SAMD14: variants seen among roughly 807,000 people sequenced by gnomAD.
SAMD14 encodes sterile alpha motif domain containing 14, also known as sterile alpha motif domain-containing protein 14.
Under a neutral mutation model 46.2 loss-of-function variants are expected in SAMD14, and 27 were observed. That is an observed-to-expected ratio of 0.58 (90% CI 0.43 to 0.81). The LOEUF is 0.81. Among genes scored for constraint, SAMD14 ranks in the 30% least tolerant of loss-of-function variants. The pLI is 0.00. For synonymous variants in SAMD14, 241 were observed against 254.3 expected, an observed-to-expected ratio of 0.95 and a Z score of 0.50; for missense variants, 559 against 582.2, an observed-to-expected ratio of 0.96 and a Z score of 0.41.
At chr17:50,124,767 G>A (rs9892417) in intron 2 of SAMD14, 150 bp downstream of exon 2, 8,241 of 490,528 alleles carry the variant, frequency 0.017, 101 homozygotes, top group African/African-American at 0.13. Context: ...GTGCACGCGC[G>A]CGCGCACACA....
intron 9 of SAMD14, chr17:50,113,707 G>C: frequency 1.7e-6 from 1 of 586,204 alleles, no homozygotes; most frequent in South Asian, 2.0e-5. Flanking sequence ...TCATGGACTA[G>C]AGTTTCAAGT....
At chr17:50,114,569 A>T in intron 7 of SAMD14, 2 of 803,928 alleles carry the variant, frequency 2.5e-6, no homozygotes, top group Non-Finnish European at 3.8e-6. Flanking sequence ...GTCTCAGGCA[A>T]GGTGTCACTT....
At position 50,112,815 on chromosome 17, in the gene SAMD14, T is replaced by G; in HGVS notation, c.*78A>C. 6.6e-7 allele frequency: 1 copy of G among 1,506,814 alleles called. No individual in the cohort carries two copies. The highest frequency in any genetic ancestry group is 1.2e-5 in the South Asian group (1 of 80,176). 93.3% of individuals were successfully genotyped at this position (1,506,814 alleles called of 1,614,324 possible). On this transcript the variant is annotated 3_prime_UTR_variant, in exon 10 of 10. Transcript: ENST00000330175. The stretch of plus-strand genomic sequence containing the variant: ...GGCTAGCCCAAGTGCAGCGCCCAGG[T>G]CCAGCCTCCCTGGTGAGGCCTGTGC...
chr17:50,117,461 C>T lies in SAMD14; in HGVS notation c.445G>A (p.Asp149Asn), dbSNP rs1307868504. 12 of 1,387,690 alleles carry T rather than the reference C, an allele frequency of 8.6e-6. No homozygotes were observed. The highest frequency in any genetic ancestry group is 2.6e-4 in the Middle Eastern group (1 of 3,844). The allele number at this position is 1,387,690 out of a possible 1,614,324, so 86.0% of individuals were successfully genotyped here. The change falls in exon 4 of 10, where the codon GAC (aspartate) becomes AAC (asparagine). Residue 149 changes from aspartate to asparagine, a missense_variant. Physicochemically the swap from Asp to Asn is conservative, Grantham distance 23 (BLOSUM62 1). Transcript: ENST00000330175. ...CGGCGCACGAAGCTGGGGGAGCTGT[C>T]GGAGGAGGGCGCGGAGCGCGGCGGA... is the stretch of plus-strand genomic sequence containing the variant. ...CSPPRSAPSS[D>N]SSPSFVRRHP...
chr17:50,110,576 G>A lies in SAMD14; in HGVS notation c.*2317C>T, dbSNP rs1910776451. 6.5e-6 allele frequency: 1 copy of A among 152,698 alleles called. No homozygotes were observed. The highest frequency in any genetic ancestry group is 2.4e-5 in the African/African-American group (1 of 41,454). 9.5% of individuals were successfully genotyped at this position (152,698 alleles called of 1,614,324 possible). ...CCTCCAGACCTGGGGACTGAGTGGGGAAAGGAGTTACACCCGTGAGTGGGG... is the reference window on the plus strand; with the variant it reads ...CCTCCAGACCTGGGGACTGAGTGGGAAAAGGAGTTACACCCGTGAGTGGGG... On this transcript the variant is annotated 3_prime_UTR_variant, in exon 10 of 10. Coordinates refer to ENST00000330175, the MANE Select transcript of SAMD14 (RefSeq NM_001257359.2).
At position 50,115,642 on chromosome 17, in the gene SAMD14, T is replaced by C. The variant is rs747794144; in HGVS notation, c.744A>G (p.Ser248=). ...FSWFTDSGKG[S]ASSGSTTSPT... The stretch of plus-strand genomic sequence containing the variant: ...GGGAGGTGGTGCTACCCGAGGATGC[T>C]GAGCCCTTGCCGCTGTCCGTGAACC... The change falls in exon 7 of 10, where the codon TCA becomes TCG. Residue 248 remains serine (S), a synonymous_variant. Transcript: ENST00000330175. This position sits in a 1 kb window ranked among gnomAD's most constrained non-coding sequence, Gnocchi z 5.3. The C allele has an allele frequency of 4.4e-6, 7 of 1,608,040 alleles. No individual in the cohort carries two copies. The highest frequency in any genetic ancestry group is 6.0e-6 in the Non-Finnish European group (7 of 1,176,242).
In SAMD14 at chr17:50,110,212, G is replaced by A; in HGVS notation, c.*2681C>T. ...GGGGGTGGGTTCTCCCTGATGACCA[G>A]GTTCTGTCTCTATGGAAGTCACTGC... On this transcript the variant is annotated 3_prime_UTR_variant, in exon 10 of 10. Transcript: ENST00000330175. The A allele has an allele frequency of 1.7e-6, 2 of 1,187,718 alleles. No individual in the cohort carries two copies. The highest frequency in any genetic ancestry group is 2.3e-6 in the Non-Finnish European group (2 of 866,912). 73.6% of individuals were successfully genotyped at this position (1,187,718 alleles called of 1,614,324 possible).
At chr17:50,128,578 C>A (rs985771355) in intron 1 of SAMD14, among the ~76,000 whole-genome samples, 2 of 152,224 alleles carry the variant, frequency 1.3e-5, no homozygotes, top group South Asian at 2.1e-4. Context: ...ACCCTTCCCC[C>A]CAAGGCTTCC....
rs1312419771 is a variant in SAMD14, at chr17:50,129,709, A to G, written c.-205T>C. On this transcript the variant is annotated 5_prime_UTR_variant, in exon 1 of 10. Transcript: ENST00000330175. The surrounding 1 kb of genome is among the most constrained non-coding windows in gnomAD (Gnocchi z 5.6). ...GGGAAGGGTCCCAGAGCCGGGGGAGATGGAGGGCGGGGGATGTGGGGAGAG... is the reference window on the plus strand; with the variant it reads ...GGGAAGGGTCCCAGAGCCGGGGGAGGTGGAGGGCGGGGGATGTGGGGAGAG... 1 of 146,158 alleles carries G rather than the reference A, an allele frequency of 6.8e-6. No homozygotes were observed. 9.1% of individuals were successfully genotyped at this position (146,158 alleles called of 1,614,324 possible).
intron 1 of SAMD14, among the ~76,000 whole-genome samples, chr17:50,128,247 T>C (rs1567724218): frequency 1.3e-5 from 2 of 152,088 alleles, no homozygotes; most frequent in Non-Finnish European, 2.9e-5. Flanking sequence ...CTGGGCTGGA[T>C]TGGGGTTTCC....
rs1184822633 is a variant in SAMD14 at position 50,115,209 on chromosome 17, G to A, written c.822+355C>T. Among the ~76,000 whole-genome samples the A allele has an allele frequency of 2.0e-5, 3 of 152,148 alleles. No individual in the cohort carries two copies. Among genetic ancestry groups the A allele is most frequent in the Non-Finnish European group, 2.9e-5 (2 of 68,026 alleles). On this transcript the variant is annotated intron_variant, in intron 7 of 9. Coordinates refer to ENST00000330175, the MANE Select transcript of SAMD14 (RefSeq NM_001257359.2). The surrounding 1 kb of genome is among the most constrained non-coding windows in gnomAD (Gnocchi z 5.3). Reference sequence around the variant, plus strand: ...TATCCCCCAGGCCTCACCCTACCAAGCAGGTGGCCCAGCTCCTCACACAGG... The same window carrying A: ...TATCCCCCAGGCCTCACCCTACCAAACAGGTGGCCCAGCTCCTCACACAGG...
intron 2 of SAMD14, among the ~76,000 whole-genome samples, chr17:50,120,970 C>T (rs1911473270): frequency 1.3e-5 from 2 of 152,194 alleles, no homozygotes; most frequent in South Asian, 2.1e-4. Flanking sequence ...TGGTCTTTCT[C>T]CACCCATTAG....
rs1567723184 is a variant in SAMD14 at position 50,124,807 on chromosome 17, A to ACACACACACACT, written c.43+109_43+110insAGTGTGTGTGTG. 355 of 1,012,716 alleles carry ACACACACACACT rather than the reference A, an allele frequency of 3.5e-4. 1 individual carries two copies. In the African/African-American group the frequency reaches 5.1e-3, roughly 15 times the overall value. The allele number at this position is 1,012,716 out of a possible 1,614,324, so 62.7% of individuals were successfully genotyped here. Reference sequence around the variant, plus strand: ...CACACACACACACACACACACACACACTCTGAAGCTGCCAAGAAGCACCCT... The same window carrying ACACACACACACT: ...CACACACACACACACACACACACACACACACACACACTCTCTGAAGCTGCCAAGAAGCACCCT... On this transcript the variant is annotated intron_variant, in intron 2 of 9. Coordinates refer to ENST00000330175, the MANE Select transcript of SAMD14 (RefSeq NM_001257359.2).
intron 1 of SAMD14, chr17:50,125,335 T>G (rs1034658369): frequency 4.6e-6 from 1 of 216,246 alleles, no homozygotes; most frequent in African/African-American, 2.3e-5. Context: ...CCTAAAAGCT[T>G]TCAATCATCA....
chr17:50,120,660 A>G (rs940679914), intron 2 of SAMD14, among the ~76,000 whole-genome samples: 1 of 152,108 alleles, frequency 6.6e-6, no homozygotes, highest in South Asian at 2.1e-4. Flanking sequence ...CTGTCTGAGC[A>G]CTACTCCTGT....
At chr17:50,125,523 C>T (rs529698599) in intron 1 of SAMD14, among the ~76,000 whole-genome samples, 71 of 152,284 alleles carry the variant, frequency 4.7e-4, no homozygotes, top group African/African-American at 1.7e-3. Flanking sequence ...ACTCATCCAC[C>T]TATCTACTTG....
At chr17:50,127,516 G>A (rs1272731291) in intron 1 of SAMD14, among the ~76,000 whole-genome samples, 6 of 151,554 alleles carry the variant, frequency 4.0e-5, no homozygotes, top group East Asian at 2.0e-4. Flanking sequence ...CAGGAGAATC[G>A]CTTGAAGCTG....
Position 50,118,236 on chromosome 17 carries a change from C to A in SAMD14, c.135G>T (p.Arg45=), listed in dbSNP as rs745369307. Residue 45 remains arginine, a synonymous_variant, in exon 3 of 10, where the codon CGG becomes CGT. Coordinates refer to ENST00000330175, the MANE Select transcript of SAMD14 (RefSeq NM_001257359.2). ...AQLLAKGRRH[R]PSRSRLRDSA... Reference sequence around the variant, plus strand: ...TGTCCCGAAGCCTGGAGCGGGATGGCCGGTGTCTCCGGCCCTTGGCCAACA... The same window carrying A: ...TGTCCCGAAGCCTGGAGCGGGATGGACGGTGTCTCCGGCCCTTGGCCAACA... 2.9e-5 allele frequency: 47 copies of A among 1,613,698 alleles called. No homozygotes were observed. In the Admixed American group the frequency reaches 7.7e-4, roughly 26 times the overall value.
intron 2 of SAMD14, among the ~76,000 whole-genome samples, chr17:50,123,824 G>C (rs1454273873): frequency 6.6e-6 from 1 of 152,156 alleles, no homozygotes; most frequent in Admixed American, 6.5e-5. Context: ...TAGAGGGTAG[G>C]GAGGTTGGGG....
Sources: gnomAD v4.1 joint callset for allele counts (sites outside exome capture counted in the v4.1 genomes callset) on GRCh38, gnomAD v4.1.1 for gene constraint, Gnocchi (gnomAD v3.1) non-coding constraint, MANE v1.5 for transcripts, NCBI Gene and HGNC (gene_info 2026-07-23, HGNC 2026-07-21) for gene names.